The following SDAD1 variants were observed in gnomAD, a reference collection of about 807,000 sequenced individuals.
SDAD1 encodes the protein SDA1 domain containing 1, also known as protein SDA1 homolog.
SDAD1 carries 79 observed loss-of-function variants against 100.3 expected under a neutral mutation model. The ratio of observed to expected loss-of-function variants is 0.79; its 90% CI spans 0.66 to 0.95. SDAD1 has a LOEUF of 0.95. Among genes scored for constraint, SDAD1 ranks in the 40% least tolerant of loss-of-function variants. The pLI, the probability that SDAD1 is intolerant of heterozygous loss-of-function variation, is 0.00. For missense variants in SDAD1, 790 were observed against 810.9 expected (o/e 0.97, Z 0.31); for synonymous variants, 267 against 271.4 (o/e 0.98, Z 0.16).
intron 9 of SDAD1, among the ~76,000 whole-genome samples, 192 bp downstream of exon 9, chr4:75,971,165 T>G (rs932414999): frequency 2.6e-5 from 4 of 152,252 alleles, no homozygotes; most frequent in Non-Finnish European, 4.4e-5. Context: ...TAAACTAATT[T>G]ATCCAAGTCA....
chr4:75,957,174 T>A (rs1346733221), intron 20 of SDAD1, 151 bp downstream of exon 20: 1 of 637,668 alleles, frequency 1.6e-6, no homozygotes, highest in African/African-American at 1.8e-5. Context: ...TAACTGAACA[T>A]CTAATATCTG....
At chr4:75,983,836 T>C (rs1048752160) in intron 1 of SDAD1, among the ~76,000 whole-genome samples, 6 of 152,202 alleles carry the variant, frequency 3.9e-5, no homozygotes, top group African/African-American at 1.4e-4. Flanking sequence ...CCATTGCTTT[T>C]GGTGTTTTAG....
chr4:75,952,049 C>T (rs1728653274), intron 21 of SDAD1, among the ~76,000 whole-genome samples: 1 of 152,174 alleles, frequency 6.6e-6, no homozygotes, highest in Admixed American at 6.5e-5. Flanking sequence ...ACACCTGGGT[C>T]TTGGTATGTC....
chr4:75,977,797 T>C (rs1730240971), intron 3 of SDAD1, 41 bp from the exon 4 acceptor site: 1 of 1,230,312 alleles, frequency 8.1e-7, no homozygotes. Flanking sequence ...AATGGTAAAG[T>C]TAACAAGGTG....
chr4:75,990,694 A>T, intron 1 of SDAD1, 58 bp downstream of exon 1: 1 of 1,610,288 alleles, frequency 6.2e-7, no homozygotes, highest in Non-Finnish European at 8.5e-7. Flanking sequence ...GCTTTCCCGC[A>T]CCGGCGTCTC....
rs1402317627 is a variant in SDAD1 at position 75,961,012 on chromosome 4, A to T, written c.1356+16T>A. The stretch of plus-strand genomic sequence containing the variant: ...AGACCATAACCTTTAGACCAACATA[A>T]GTGTGCTTTACCTACCCGGAATTTC... On this transcript the variant is annotated intron_variant, in intron 16 of 21. Coordinates refer to ENST00000356260, the MANE Select transcript of SDAD1 (RefSeq NM_018115.4). 3.1e-6 allele frequency: 5 copies of T among 1,609,302 alleles called. No homozygotes were observed. In the South Asian group the frequency reaches 5.5e-5, roughly 18 times the overall value.
rs1302563729 is a variant in SDAD1, at chr4:75,957,316, C to T, written c.1854+9G>A. On this transcript the variant is annotated intron_variant, in intron 20 of 21. Coordinates refer to ENST00000356260, the MANE Select transcript of SDAD1 (RefSeq NM_018115.4). ...TGTTTAAAAAACTAGGAATGATATG[C>T]TCACTCACCATTGCAGTTGCTAGTC... 1.2e-6 allele frequency: 2 copies of T among 1,609,204 alleles called. No homozygotes were observed. Among genetic ancestry groups the T allele is most frequent in the Middle Eastern group, 1.7e-4 (1 of 6,020 alleles).
Position 75,957,850 on chromosome 4 carries a change from T to A in SDAD1, c.1575A>T (p.Glu525Asp). 1 of 1,614,096 alleles carries A rather than the reference T, an allele frequency of 6.2e-7. No individual in the cohort carries two copies. The highest frequency in any genetic ancestry group is 2.2e-5 in the East Asian group (1 of 44,890). ...AAGATGAAATTTTCAGACTTACGAT[T>A]TCTTGCTGTTCTTCATCGGAAGAGT... ...VQHSSDEEQQEISKKLNSMPM... is the reference protein window; with the variant it reads ...VQHSSDEEQQDISKKLNSMPM... Residue 525 changes from glutamate to aspartate, a missense_variant, in exon 18 of 22, where the codon GAA becomes GAT. Coordinates refer to ENST00000356260, the MANE Select transcript of SDAD1 (RefSeq NM_018115.4).
intron 14 of SDAD1, among the ~76,000 whole-genome samples, chr4:75,962,680 G>A (rs1486259303): frequency 6.6e-6 from 1 of 152,156 alleles, no homozygotes; most frequent in Admixed American, 6.5e-5. Context: ...TGTGCCTTTA[G>A]GCTACATAAA....
intron 1 of SDAD1, among the ~76,000 whole-genome samples, chr4:75,982,993 T>C (rs184034612): frequency 4.7e-4 from 72 of 151,782 alleles, no homozygotes; most frequent in African/African-American, 1.7e-3. Context: ...CCTTCCTGTA[T>C]CCATGTGTCC....
Position 75,981,438 on chromosome 4 carries a change from A to ATT in SDAD1, c.226_227dup (p.Asn76LysfsTer7), listed in dbSNP as rs1730506987. 6.2e-7 allele frequency: 1 copy of ATT among 1,613,852 alleles called. No homozygotes were observed. The highest frequency in any genetic ancestry group is 1.3e-5 in the African/African-American group (1 of 75,040). The stretch of plus-strand genomic sequence containing the variant: ...GAAGATCTTTCACCTCTTGAGGAAA[A>ATT]TTACTTAGGTACTCTGGGTAGCAGT... On this transcript the variant is annotated frameshift_variant, in exon 3 of 22. Transcript: ENST00000356260. LOFTEE classifies it high-confidence loss of function.
At chr4:75,971,939 A>ATTTT (rs35932670) in intron 8 of SDAD1, among the ~76,000 whole-genome samples, 1 of 138,400 alleles carries the variant, frequency 7.2e-6, no homozygotes, top group Non-Finnish European at 1.6e-5. Flanking sequence ...CTGTAGCACT[A>ATTTT]TTTTTTTTTT....
chr4:75,954,259 G>A (rs1728764423), intron 21 of SDAD1, among the ~76,000 whole-genome samples: 1 of 152,030 alleles, frequency 6.6e-6, no homozygotes, highest in Admixed American at 6.6e-5. Context: ...GCGGGCACCT[G>A]TAGTCCCAGC....
intron 8 of SDAD1, among the ~76,000 whole-genome samples, chr4:75,971,824 A>C (rs1478552195): frequency 6.6e-6 from 1 of 152,196 alleles, no homozygotes; most frequent in Non-Finnish European, 1.5e-5. Flanking sequence ...GTGAGCTGAG[A>C]TCACGCCACT....
chr4:75,975,382 G>T (rs1730100728), intron 6 of SDAD1, among the ~76,000 whole-genome samples: 1 of 152,296 alleles, frequency 6.6e-6, no homozygotes, highest in East Asian at 1.9e-4. Context: ...ACAGATTTTG[G>T]AGTCAGTTAG....
chr4:75,982,327 T>C (rs566691389), intron 1 of SDAD1, among the ~76,000 whole-genome samples: 1 of 152,304 alleles, frequency 6.6e-6, no homozygotes, highest in South Asian at 2.1e-4. Flanking sequence ...ATTCAGATTG[T>C]AGCCCTGTTC....
chr4:75,967,164 T>G, intron 12 of SDAD1, 113 bp downstream of exon 12: 1 of 944,540 alleles, frequency 1.1e-6, no homozygotes, highest in Non-Finnish European at 1.6e-6. Context: ...TCTCTTCACA[T>G]CTCTAATGTA....
At chr4:75,975,280 C>A (rs994730640) in intron 6 of SDAD1, among the ~76,000 whole-genome samples, 3 of 152,102 alleles carry the variant, frequency 2.0e-5, no homozygotes, top group Non-Finnish European at 4.4e-5. Flanking sequence ...GTTAGGGACA[C>A]TGTATCAACA....
chr4:75,973,494 G>T, intron 7 of SDAD1, 103 bp from the exon 8 acceptor site: 2 of 778,772 alleles, frequency 2.6e-6, no homozygotes, highest in Non-Finnish European at 4.3e-6. Flanking sequence ...AAGATCTGAA[G>T]AACAAATTCA....
Sources: gnomAD v4.1 joint callset for allele counts (sites outside exome capture counted in the v4.1 genomes callset) on GRCh38, gnomAD v4.1.1 for gene constraint, MANE v1.5 for transcripts, NCBI Gene and HGNC (gene_info 2026-07-23, HGNC 2026-07-21) for gene names.